DDX10: variants seen among roughly 807,000 people sequenced by gnomAD.
DDX10 encodes the protein probable ATP-dependent RNA helicase DDX10.
A neutral mutation model predicts 104.3 loss-of-function variants in DDX10; 74 were observed. That is an observed-to-expected ratio of 0.71 (90% confidence interval 0.59 to 0.86). The LOEUF (loss-of-function observed/expected upper bound fraction) is 0.86. Among genes scored for constraint, DDX10 ranks in the 40% least tolerant of loss-of-function variants. The pLI, the probability that DDX10 is intolerant of heterozygous loss-of-function variation, is 0.00. For missense variants in DDX10, 952 were observed against 1,040.0 expected (o/e 0.92, Z 1.16); for synonymous variants, 351 against 353.4 (o/e 0.99, Z 0.08).
intron 13 of DDX10, among the ~76,000 whole-genome samples, chr11:108,754,332 T>C (rs1324023016): frequency 6.6e-6 from 1 of 152,096 alleles, no homozygotes; most frequent in Non-Finnish European, 1.5e-5. Context: ...TATTTATTCA[T>C]TAATATGTTT....
intron 16 of DDX10, among the ~76,000 whole-genome samples, chr11:108,858,071 C>A (rs58263616): frequency 0.037 from 5,663 of 152,272 alleles, 338 homozygotes; most frequent in African/African-American, 0.13. Flanking sequence ...GAAACATTTA[C>A]CATTATTTCC....
intron 15 of DDX10, among the ~76,000 whole-genome samples, chr11:108,850,961 T>C (rs904445656): frequency 1.3e-5 from 2 of 152,182 alleles, no homozygotes; most frequent in African/African-American, 4.8e-5. Flanking sequence ...GATAACCAAA[T>C]TGTTATATGA....
intron 16 of DDX10, among the ~76,000 whole-genome samples, chr11:108,897,011 A>T (rs118152391): frequency 0.013 from 1,904 of 152,246 alleles, 25 homozygotes; most frequent in Admixed American, 0.025. Flanking sequence ...AAAACTTTTT[A>T]AAAAATTTCT....
intron 13 of DDX10, among the ~76,000 whole-genome samples, chr11:108,772,294 A>C (rs926831344): frequency 1.3e-5 from 2 of 152,178 alleles, no homozygotes; most frequent in African/African-American, 2.4e-5. Context: ...AAAAATCTTG[A>C]GATAAGGAGA....
intron 9 of DDX10, among the ~76,000 whole-genome samples, chr11:108,703,454 C>G (rs567949717): frequency 1.3e-5 from 2 of 152,040 alleles, no homozygotes; most frequent in South Asian, 2.1e-4. Context: ...CTTGGCCTCT[C>G]GAGTAGCTGG....
chr11:108,796,698 T>C (rs114889631), intron 13 of DDX10, among the ~76,000 whole-genome samples: 104 of 152,318 alleles, frequency 6.8e-4, no homozygotes, highest in African/African-American at 2.4e-3. Flanking sequence ...ATGCATGCTA[T>C]TGTTTGAATG....
At chr11:108,689,472 A>G (rs1288060494) in intron 7 of DDX10, among the ~76,000 whole-genome samples, 1 of 152,176 alleles carries the variant, frequency 6.6e-6, no homozygotes, top group Non-Finnish European at 1.5e-5. Flanking sequence ...CTCTTCATCT[A>G]AATCTGGGGA....
At chr11:108,815,235 T>C (rs1862239422) in intron 13 of DDX10, among the ~76,000 whole-genome samples, 1 of 152,214 alleles carries the variant, frequency 6.6e-6, no homozygotes, top group Admixed American at 6.5e-5. Context: ...TACAGACTCC[T>C]TTTCCCAATA....
chr11:108,857,557 A>G (rs1188319662), intron 16 of DDX10, among the ~76,000 whole-genome samples: 1 of 152,120 alleles, frequency 6.6e-6, no homozygotes, highest in African/African-American at 2.4e-5. Context: ...TTGTGTGCCT[A>G]TCTCTCATCA....
intron 10 of DDX10, among the ~76,000 whole-genome samples, chr11:108,711,413 A>T (rs1431179830): frequency 6.6e-6 from 1 of 151,952 alleles, no homozygotes; most frequent in Non-Finnish European, 1.5e-5. Context: ...GCTCACTACA[A>T]CCTCCACCTC....
chr11:108,748,757 T>C (rs977591703), intron 13 of DDX10, among the ~76,000 whole-genome samples: 1 of 152,144 alleles, frequency 6.6e-6, no homozygotes, highest in Non-Finnish European at 1.5e-5. Context: ...CATAGCTCAC[T>C]GCAGCCATGA....
intron 4 of DDX10, among the ~76,000 whole-genome samples, chr11:108,677,544 A>G (rs1490939493): frequency 6.6e-6 from 1 of 151,952 alleles, no homozygotes; most frequent in Non-Finnish European, 1.5e-5. Flanking sequence ...TCCATATATG[A>G]ACTAGTACCT....
Position 108,760,505 on chromosome 11 carries a change from A to T in DDX10, c.1965+37043A>T, listed in dbSNP as rs555587635. ...TAGTTTATATGGGAACATTCTCAAC[A>T]TTGATCCTTCAGAATTATGTATGGT... On this transcript the variant is annotated intron_variant, in intron 13 of 17. Transcript: ENST00000322536. Among the ~76,000 whole-genome samples, 11 of 152,158 alleles carry T rather than the reference A, an allele frequency of 7.2e-5. No homozygotes were observed. In the South Asian group the frequency reaches 2.3e-3, roughly 32 times the overall value.
intron 13 of DDX10, among the ~76,000 whole-genome samples, chr11:108,723,739 G>A (rs2094301773): frequency 2.0e-5 from 3 of 152,148 alleles, no homozygotes; most frequent in South Asian, 4.1e-4. Context: ...TCCTGATTAA[G>A]TCTCAAAGGA....
chr11:108,812,217 T>A (rs1050205732), intron 13 of DDX10, among the ~76,000 whole-genome samples: 10 of 152,298 alleles, frequency 6.6e-5, no homozygotes, highest in African/African-American at 2.4e-4. Context: ...AACTAAGACA[T>A]TTTTGGAAAA....
intron 17 of DDX10, chr11:108,920,075 T>C (rs559806937): frequency 6.6e-6 from 1 of 152,148 alleles, no homozygotes; most frequent in South Asian, 2.1e-4. Flanking sequence ...ATGAAGGAGA[T>C]TTACAGGGTT....
intron 13 of DDX10, among the ~76,000 whole-genome samples, chr11:108,805,473 A>AT (rs1862085193): frequency 6.6e-6 from 1 of 152,164 alleles, no homozygotes; most frequent in Admixed American, 6.5e-5. Flanking sequence ...GAAGATAATT[A>AT]TTTTTTCAGA....
chr11:108,872,820 T>TCCC (rs33959241), intron 16 of DDX10, among the ~76,000 whole-genome samples: 105 of 145,186 alleles, frequency 7.2e-4, no homozygotes, highest in South Asian at 3.5e-3. Flanking sequence ...TAATTTCCGT[T>TCCC]CCCCCCCCCT....
chr11:108,724,774 T>G (rs1284911279), intron 13 of DDX10, among the ~76,000 whole-genome samples: 1 of 152,104 alleles, frequency 6.6e-6, no homozygotes, highest in Admixed American at 6.6e-5. Flanking sequence ...AAGTAGGACA[T>G]GTGTCTAAGT....
Sources: allele counts gnomAD v4.1 joint callset (sites outside exome capture counted in the v4.1 genomes callset), GRCh38; gene constraint gnomAD v4.1.1; transcripts MANE v1.5; gene names NCBI Gene and HGNC (gene_info 2026-07-23, HGNC 2026-07-21).